ACAN: variants seen among roughly 807,000 people sequenced by gnomAD.
ACAN encodes the protein aggrecan.
ACAN carries 47 observed loss-of-function variants against 169.1 expected under a neutral mutation model. The observed-to-expected ratio is 0.28, with a 90% confidence interval of 0.22 to 0.35. The LOEUF (loss-of-function observed/expected upper bound fraction) is 0.35, where lower values mean the gene tolerates loss of function less well. Ranked by LOEUF, ACAN falls within the 10% of genes least tolerant of loss-of-function variation. The probability of loss-of-function intolerance (pLI) is 1.00; values close to 1 mark genes in which losing one functional copy is unlikely to be tolerated. For synonymous variants in ACAN, 1,115 were observed against 1,112.2 expected (o/e 1.00, Z -0.05); for missense variants, 2,716 against 2,759.9 (o/e 0.98, Z 0.36).
chr15:88,841,890 AG>A, intron 5 of ACAN, 23 bp downstream of exon 5: 1 of 1,612,018 alleles, frequency 6.2e-7, no homozygotes, highest in South Asian at 1.1e-5. Flanking sequence ...GCCCACCAGG[AG>A]GCACCCAGCT....
In ACAN at chr15:88,807,796, AG is replaced by A. The variant is rs1236365205; in HGVS notation, c.-8+3990del. Among the ~76,000 whole-genome samples the A allele has an allele frequency of 6.7e-5, 9 of 135,230 alleles. No individual in the cohort carries two copies. The South Asian group carries it at 1.8e-3, about 27-fold the overall frequency. The allele number at this position is 135,230 out of a possible 152,430, so 88.7% of individuals were successfully genotyped here. A position where few individuals can be genotyped will look rare whatever the true frequency, so the allele number is the denominator to read the frequency against. ...TGTGTGTGTGTGTGTGCATGCTGGC[AG>A]GGCGGGCCCTGCGGGCTGGCCAGGC... On this transcript the variant is annotated intron_variant, in intron 1 of 18. Transcript: ENST00000560601. The surrounding 1 kb of genome is among the most constrained non-coding windows in gnomAD (Gnocchi z 4.0).
chr15:88,846,254 G>A (rs957941021), intron 7 of ACAN, among the ~76,000 whole-genome samples: 7 of 152,158 alleles, frequency 4.6e-5, no homozygotes, highest in African/African-American at 1.7e-4. Context: ...GAAAACCACT[G>A]CCTTGGATGA....
chr15:88,847,371 G>C lies in ACAN; in HGVS notation c.1558G>C (p.Gly520Arg). ...PEQLQAAYEAGYEQCDAGWLR... is the reference protein window; with the variant it reads ...PEQLQAAYEARYEQCDAGWLR... ...GCAGCTCCAGGCCGCCTACGAAGCAGGCTATGAGCAGTGTGACGCCGGCTG... is the reference window on the plus strand; with the variant it reads ...GCAGCTCCAGGCCGCCTACGAAGCACGCTATGAGCAGTGTGACGCCGGCTG... The change falls in exon 8 of 19, where the codon GGC becomes CGC. Residue 520 changes from glycine (G) to arginine (R), a missense_variant. Around this residue, in one of 3 missense-constraint regions of ACAN, gnomAD observed 1,283 missense variants for 1,281.5 expected, o/e 1.00. Coordinates refer to ENST00000560601, the MANE Select transcript of ACAN (RefSeq NM_001369268.1). 1 of 1,592,080 alleles carries C rather than the reference G, an allele frequency of 6.3e-7. No individual in the cohort carries two copies. The highest frequency in any genetic ancestry group is 8.6e-7 in the Non-Finnish European group (1 of 1,169,362).
Position 88,838,309 on chromosome 15 carries a change from G to A in ACAN, c.71-354G>A, listed in dbSNP as rs977247339. ...TTAAGCTGTCACTCCAAGGAGATGG[G>A]TCCTGTTTTATTCCACGCTTTGGTG... On this transcript the variant is annotated intron_variant, in intron 2 of 18. Transcript: ENST00000560601. The surrounding 1 kb of genome is among the most constrained non-coding windows in gnomAD (Gnocchi z 5.1). Among the ~76,000 whole-genome samples the A allele has an allele frequency of 3.9e-5, 6 of 152,052 alleles. No homozygotes were observed. The highest frequency in any genetic ancestry group is 1.4e-4 in the African/African-American group (6 of 41,398).
intron 1 of ACAN, among the ~76,000 whole-genome samples, chr15:88,810,989 C>G (rs575169342): frequency 1.1e-4 from 17 of 152,310 alleles, no homozygotes; most frequent in African/African-American, 3.8e-4. Context: ...CAGCCACTGC[C>G]CCCAGTTTGT....
Position 88,851,607 on chromosome 15 carries a change from G to T in ACAN, c.2027-187G>T, listed in dbSNP as rs1230561438. 1 of 621,862 alleles carries T rather than the reference G, an allele frequency of 1.6e-6. No individual in the cohort carries two copies. Among genetic ancestry groups the T allele is most frequent in the Admixed American group, 3.0e-5 (1 of 33,094 alleles). The allele number at this position is 621,862 out of a possible 1,614,324, so 38.5% of individuals were successfully genotyped here. A position where few individuals can be genotyped will look rare whatever the true frequency, so the allele number is the denominator to read the frequency against. ...GATCACTGGAACTAAAGTGCTGATG[G>T]TGCATATGGATATTATATCATTGGT... is the stretch of plus-strand genomic sequence containing the variant. On this transcript the variant is annotated intron_variant, in intron 10 of 18. Transcript: ENST00000560601. The surrounding 1 kb of genome is among the most constrained non-coding windows in gnomAD (Gnocchi z 4.3).
rs1290678791 is a variant in ACAN at position 88,872,487 on chromosome 15, T to C, written c.7303-394T>C. Among the ~76,000 whole-genome samples, 4 of 152,092 alleles carry C rather than the reference T, an allele frequency of 2.6e-5. No homozygotes were observed. The highest frequency in any genetic ancestry group is 4.4e-5 in the Non-Finnish European group (3 of 68,010). ...TGAAGCAAGGCTGGAAGGATAAGTC[T>C]TGGGAGGACTTCTTGGTGGGCAGAA... On this transcript the variant is annotated intron_variant, in intron 16 of 18. Coordinates refer to ENST00000560601, the MANE Select transcript of ACAN (RefSeq NM_001369268.1). The surrounding 1 kb of genome is among the most constrained non-coding windows in gnomAD (Gnocchi z 5.4).
intron 1 of ACAN, among the ~76,000 whole-genome samples, chr15:88,820,365 G>C (rs12592799): frequency 6.6e-6 from 1 of 151,856 alleles, no homozygotes; most frequent in East Asian, 1.9e-4. Flanking sequence ...CACCACCAAA[G>C]ATCGTGAGGA....
intron 1 of ACAN, among the ~76,000 whole-genome samples, chr15:88,832,503 C>T (rs763446653): frequency 6.6e-6 from 1 of 151,980 alleles, no homozygotes; most frequent in Admixed American, 6.6e-5. Context: ...CTCAACTACT[C>T]GATGGTTGAG....
At chr15:88,864,775 A>ATG (rs1399967700) in intron 13 of ACAN, among the ~76,000 whole-genome samples, 1 of 152,198 alleles carries the variant, frequency 6.6e-6, no homozygotes, top group African/African-American at 2.4e-5. Context: ...GGTTTCCCCC[A>ATG]TCCTTGCCCA....
chr15:88,874,139 G>T lies in ACAN; in HGVS notation c.7630+115G>T. On this transcript the variant is annotated intron_variant, in intron 18 of 18. Transcript: ENST00000560601. This position sits in a 1 kb window ranked among gnomAD's most constrained non-coding sequence, Gnocchi z 7.3. ...CCGTCCACAGGGTTGAGCAAGGGAA[G>T]GGAGGTCGGGGGGCTGCTCAGTCAC... The T allele has an allele frequency of 7.2e-7, 1 of 1,391,036 alleles. No homozygotes were observed. 86.2% of individuals were successfully genotyped at this position (1,391,036 alleles called of 1,614,324 possible). A position where few individuals can be genotyped will look rare whatever the true frequency, so the allele number is the denominator to read the frequency against.
intron 1 of ACAN, among the ~76,000 whole-genome samples, chr15:88,823,753 C>G (rs760774400): frequency 6.7e-6 from 1 of 148,782 alleles, no homozygotes; most frequent in Non-Finnish European, 1.5e-5. Flanking sequence ...ATTCAGCACA[C>G]AGCTCAGCTC....
intron 1 of ACAN, among the ~76,000 whole-genome samples, chr15:88,820,315 A>G (rs904949987): frequency 6.6e-6 from 1 of 152,184 alleles, no homozygotes; most frequent in African/African-American, 2.4e-5. Flanking sequence ...AAACTGGATC[A>G]TAATAGGAAC....
chr15:88,813,404 T>C (rs1895868065), intron 1 of ACAN, among the ~76,000 whole-genome samples: 1 of 152,214 alleles, frequency 6.6e-6, no homozygotes, highest in Non-Finnish European at 1.5e-5. Flanking sequence ...ATGTCTTTAC[T>C]GTGGCCATGG....
rs759095494 is a variant in ACAN, at chr15:88,858,040, A to T, written c.5455A>T (p.Thr1819Ser). 1 of 1,613,986 alleles carries T rather than the reference A, an allele frequency of 6.2e-7. No homozygotes were observed. The highest frequency in any genetic ancestry group is 8.5e-7 in the Non-Finnish European group (1 of 1,179,894). The change falls in exon 12 of 19, where the codon ACC (threonine) becomes TCC (serine). Residue 1819 changes from threonine to serine, a missense_variant. Thr to Ser is a moderately conservative substitution (Grantham distance 58). Transcript: ENST00000560601. This position sits in a 1 kb window ranked among gnomAD's most constrained non-coding sequence, Gnocchi z 4.0. Reference sequence around the variant, plus strand: ...AGGAGTCCCTGACCTGGTTTCTGGTACCACGAGTGGCAGCGGTGAATCTTC... The same window carrying T: ...AGGAGTCCCTGACCTGGTTTCTGGTTCCACGAGTGGCAGCGGTGAATCTTC... ...TSGVPDLVSG[T>S]TSGSGESSGI...
At position 88,851,780 on chromosome 15, in the gene ACAN, C is replaced by T. The variant is rs2141595588; in HGVS notation, c.2027-14C>T. ...AAGAGAGGGACTCACTCTGACCACC[C>T]ACATCTCCTTTAGGCATTTCAGCGG... On this transcript the variant is annotated splice_polypyrimidine_tract_variant and intron_variant, in intron 10 of 18. Transcript: ENST00000560601. The surrounding 1 kb of genome is among the most constrained non-coding windows in gnomAD (Gnocchi z 4.3). 1 of 1,565,588 alleles carries T rather than the reference C, an allele frequency of 6.4e-7. No individual in the cohort carries two copies.
intron 1 of ACAN, among the ~76,000 whole-genome samples, chr15:88,820,410 C>T (rs1410414141): frequency 2.6e-5 from 4 of 152,172 alleles, no homozygotes; most frequent in Non-Finnish European, 5.9e-5. Context: ...CTGAGTCATT[C>T]CTTGAAACCC....
In ACAN at chr15:88,868,781, C is replaced by T. The variant is rs1272761841; in HGVS notation, c.7060+452C>T. On this transcript the variant is annotated intron_variant, in intron 14 of 18. Coordinates refer to ENST00000560601, the MANE Select transcript of ACAN (RefSeq NM_001369268.1). The surrounding 1 kb of genome is among the most constrained non-coding windows in gnomAD (Gnocchi z 5.2). ...GAGCCACTGTGCCACATTGGCCAAG[C>T]TGCCTTTCTCTTCTCCTGGGGCAAG... is the stretch of plus-strand genomic sequence containing the variant. 6.6e-6 allele frequency among the ~76,000 whole-genome samples: 1 copy of T among 152,202 alleles called. No individual in the cohort carries two copies. Among genetic ancestry groups the T allele is most frequent in the Non-Finnish European group, 1.5e-5 (1 of 68,048 alleles).
rs561850295 is a variant in ACAN at position 88,847,168 on chromosome 15, C to A, written c.1430-75C>A. ...ATGTCAGGCAGCAGGAGTTGGCCCC[C>A]CTCTGTGCCCATGGAGCCTTGGAAG... is the stretch of plus-strand genomic sequence containing the variant. On this transcript the variant is annotated intron_variant, in intron 7 of 18. Transcript: ENST00000560601. 1,522 of 1,412,730 alleles carry A rather than the reference C, an allele frequency of 1.1e-3. 2 individuals are homozygous for A. The highest frequency in any genetic ancestry group is 1.4e-3 in the Non-Finnish European group (1,423 of 1,053,958). The allele number at this position is 1,412,730 out of a possible 1,614,324, so 87.5% of individuals were successfully genotyped here.
Sources: gnomAD v4.1 joint callset for allele counts (sites outside exome capture counted in the v4.1 genomes callset) on GRCh38, gnomAD v4.1.1 for gene constraint, gnomAD v4.1.1 regional missense constraint, Gnocchi (gnomAD v3.1) non-coding constraint, MANE v1.5 for transcripts, NCBI Gene and HGNC (gene_info 2026-07-23, HGNC 2026-07-21) for gene names.